Variants in ALK observed in about 807,000 individuals in gnomAD.
ALK encodes ALK tyrosine kinase receptor.
Under a neutral mutation model 163.1 loss-of-function variants are expected in ALK, and 74 were observed. The observed-to-expected ratio is 0.45, with a 90% CI of 0.38 to 0.55. The LOEUF (loss-of-function observed/expected upper bound fraction) is 0.55, where lower values mean the gene tolerates loss of function less well. Among genes scored for constraint, ALK ranks in the 20% least tolerant of loss-of-function variants. The pLI, the probability that ALK is intolerant of heterozygous loss-of-function variation, is 0.00. For synonymous variants in ALK, 960 were observed against 843.2 expected (o/e 1.14, Z -2.40); for missense variants, 2,063 against 2,105.3 (o/e 0.98, Z 0.39).
intron 11 of ALK, among the ~76,000 whole-genome samples, chr2:29,273,062 T>C (rs998384719): frequency 2.0e-5 from 3 of 152,216 alleles, no homozygotes; most frequent in African/African-American, 7.2e-5. Flanking sequence ...TCCTTCCCCC[T>C]CTGGCCTATC....
intron 3 of ALK, among the ~76,000 whole-genome samples, chr2:29,658,683 C>A (rs986685949): frequency 3.9e-5 from 6 of 152,078 alleles, no homozygotes; most frequent in Admixed American, 6.6e-5. Context: ...GTGACGAGTG[C>A]CATTTTATTT....
intron 3 of ALK, among the ~76,000 whole-genome samples, chr2:29,672,339 A>T (rs1215801885): frequency 5.5e-5 from 4 of 72,802 alleles, no homozygotes; most frequent in African/African-American, 2.1e-4. Context: ...CCCCCACCCC[A>T]CAACAGTCCC....
chr2:29,888,200 G>A (rs1221947795), intron 1 of ALK, among the ~76,000 whole-genome samples: 1 of 150,882 alleles, frequency 6.6e-6, no homozygotes, highest in African/African-American at 2.4e-5. Context: ...GTTCCTAGCT[G>A]TGGAGGATTG....
intron 6 of ALK, among the ~76,000 whole-genome samples, chr2:29,326,336 A>G (rs1164535446): frequency 6.6e-6 from 1 of 152,206 alleles, no homozygotes; most frequent in East Asian, 1.9e-4. Context: ...GTGACCCTGA[A>G]CAAGTCAATT....
chr2:29,590,725 A>C, intron 3 of ALK, among the ~76,000 whole-genome samples: 1 of 151,782 alleles, frequency 6.6e-6, no homozygotes, highest in Non-Finnish European at 1.5e-5. Context: ...ATGTATTCCC[A>C]CCTGCTCATG....
At chr2:29,264,228 G>T (rs79385707) in intron 11 of ALK, among the ~76,000 whole-genome samples, 7,072 of 152,262 alleles carry the variant, frequency 0.046, 197 homozygotes, top group Middle Eastern at 0.11. Context: ...CAGAGCTTTG[G>T]GTGTTGCAAG....
chr2:29,611,883 A>C (rs1417407378), intron 3 of ALK, among the ~76,000 whole-genome samples: 1 of 152,192 alleles, frequency 6.6e-6, no homozygotes, highest in African/African-American at 2.4e-5. Context: ...CTGTGAGTCA[A>C]ATATACCCTT....
intron 3 of ALK, among the ~76,000 whole-genome samples, chr2:29,623,818 T>G (rs13407985): frequency 0.63 from 96,493 of 152,150 alleles, 31,689 homozygotes; most frequent in Middle Eastern, 0.75. Flanking sequence ...ACTACCTTTA[T>G]AACAGAACAA....
chr2:29,313,722 T>C (rs1346979614), intron 8 of ALK, among the ~76,000 whole-genome samples: 1 of 152,166 alleles, frequency 6.6e-6, no homozygotes, highest in African/African-American at 2.4e-5. Flanking sequence ...GAGCCCGTGA[T>C]GCATAGGATC....
rs1045932778 is a variant in ALK, at chr2:29,804,560, T to C, written c.668-86863A>G. Among the ~76,000 whole-genome samples, 10 of 152,358 alleles carry C rather than the reference T, an allele frequency of 6.6e-5. 2 individuals are homozygous for C. The highest frequency in any genetic ancestry group is 5.8e-4 in the East Asian group (3 of 5,192). On this transcript the variant is annotated intron_variant, in intron 1 of 28. Coordinates refer to ENST00000389048, the MANE Select transcript of ALK (RefSeq NM_004304.5). The stretch of plus-strand genomic sequence containing the variant: ...GTTCAGAGAGGTTATCGAGCCATCA[T>C]AGCTCACTTACCTGGCGGCCGTGGA...
intron 3 of ALK, among the ~76,000 whole-genome samples, chr2:29,638,781 C>T (rs536228205): frequency 2.1e-4 from 32 of 152,252 alleles, no homozygotes; most frequent in African/African-American, 7.2e-4. Flanking sequence ...AACCACAGCA[C>T]CCCCTCTCAT....
At chr2:29,363,079 C>T (rs773243976) in intron 5 of ALK, among the ~76,000 whole-genome samples, 17 of 152,194 alleles carry the variant, frequency 1.1e-4, no homozygotes, top group Non-Finnish European at 2.2e-4. Context: ...CCTTCCCTTC[C>T]CTTTGTACTT....
At chr2:29,526,955 G>C (rs1287003567) in intron 4 of ALK, among the ~76,000 whole-genome samples, 1 of 152,236 alleles carries the variant, frequency 6.6e-6, no homozygotes, top group African/African-American at 2.4e-5. Context: ...GAAGGTATCA[G>C]TGGGCCAGTA....
Position 29,729,012 on chromosome 2 carries a change from A to G in ALK, c.668-11315T>C, listed in dbSNP as rs1679657636. Among the ~76,000 whole-genome samples, 3 of 152,164 alleles carry G rather than the reference A, an allele frequency of 2.0e-5. No homozygotes were observed. In the South Asian group the frequency reaches 6.2e-4, roughly 32 times the overall value. ...CTACCTAAAATGGCTCTGCCCCGTA[A>G]CAGGACTGACCTGACTTGCCAGGGA... On this transcript the variant is annotated intron_variant, in intron 1 of 28. Transcript: ENST00000389048.
At chr2:29,413,856 C>A (rs1463591388) in intron 4 of ALK, among the ~76,000 whole-genome samples, 1 of 152,098 alleles carries the variant, frequency 6.6e-6, no homozygotes, top group East Asian at 1.9e-4. Context: ...TTAGTCGAGA[C>A]GGGGTTTCGC....
chr2:29,274,185 G>C (rs1291546508), intron 11 of ALK, among the ~76,000 whole-genome samples: 1 of 152,226 alleles, frequency 6.6e-6, no homozygotes, highest in African/African-American at 2.4e-5. Context: ...CTAATGTCTA[G>C]TTCACATGTT....
At chr2:29,495,061 A>G (rs148220362) in intron 4 of ALK, among the ~76,000 whole-genome samples, 2 of 152,184 alleles carry the variant, frequency 1.3e-5, no homozygotes, top group African/African-American at 4.8e-5. Flanking sequence ...AAAAATAATA[A>G]TTCTCCTAAG....
At chr2:29,555,817 G>C (rs1011456280) in intron 3 of ALK, among the ~76,000 whole-genome samples, 1 of 152,064 alleles carries the variant, frequency 6.6e-6, no homozygotes, top group Non-Finnish European at 1.5e-5. Flanking sequence ...AATCAGAAGA[G>C]AAAACAGAGT....
intron 26 of ALK, among the ~76,000 whole-genome samples, chr2:29,198,369 C>T (rs1350311050): frequency 6.6e-6 from 1 of 152,140 alleles, no homozygotes; most frequent in East Asian, 1.9e-4. Context: ...CTCATCAGCA[C>T]CTCTGGTTAT....
Sources: allele counts gnomAD v4.1 joint callset (sites outside exome capture counted in the v4.1 genomes callset), GRCh38; gene constraint gnomAD v4.1.1; transcripts MANE v1.5; gene names NCBI Gene and HGNC (gene_info 2026-07-23, HGNC 2026-07-21).